The following AK5 variants were observed in gnomAD, a reference collection of about 807,000 sequenced individuals.
AK5 encodes the protein adenylate kinase 5.
A neutral mutation model predicts 69.5 loss-of-function variants in AK5; 27 were observed. The ratio of observed to expected loss-of-function variants is 0.39; its 90% CI spans 0.29 to 0.54. AK5 has a LOEUF of 0.54. AK5 is among the 20% of genes least tolerant of loss of function. AK5 has a pLI of 0.71. For missense variants in AK5, 531 were observed against 700.4 expected (o/e 0.76, Z 2.73); for synonymous variants, 260 against 244.4 (o/e 1.06, Z -0.60).
chr1:77,390,349 T>C (rs1648339750), intron 6 of AK5, among the ~76,000 whole-genome samples: 1 of 152,194 alleles, frequency 6.6e-6, no homozygotes. Context: ...GATGCAAAAG[T>C]TTTTACTAGA....
chr1:77,503,871 C>T (rs757718023), intron 10 of AK5, among the ~76,000 whole-genome samples: 4 of 151,132 alleles, frequency 2.6e-5, no homozygotes, highest in Non-Finnish European at 5.9e-5. Flanking sequence ...TGCCACTGTA[C>T]TCCAGCCTGG....
At chr1:77,550,046 G>A (rs1659745211) in intron 13 of AK5, among the ~76,000 whole-genome samples, 1 of 151,966 alleles carries the variant, frequency 6.6e-6, no homozygotes, top group South Asian at 2.1e-4. Context: ...TTTTAGCCTT[G>A]AACTCCTGGC....
chr1:77,506,214 T>TG (rs1196516357), intron 10 of AK5, among the ~76,000 whole-genome samples: 2 of 131,394 alleles, frequency 1.5e-5, no homozygotes, highest in East Asian at 2.2e-4. Flanking sequence ...AAAGGATCGG[T>TG]GTTTGGTTGG....
intron 8 of AK5, among the ~76,000 whole-genome samples, chr1:77,467,803 G>A (rs544658726): frequency 4.6e-5 from 7 of 152,264 alleles, no homozygotes; most frequent in East Asian, 1.9e-4. Context: ...GAATTCATAC[G>A]GTATATCTGA....
At chr1:77,503,286 A>G (rs1187667445) in intron 10 of AK5, among the ~76,000 whole-genome samples, 1 of 152,204 alleles carries the variant, frequency 6.6e-6, no homozygotes, top group Admixed American at 6.5e-5. Context: ...AAGATACGGG[A>G]ATGTACATTT....
intron 6 of AK5, among the ~76,000 whole-genome samples, chr1:77,387,147 C>T (rs1648092637): frequency 6.6e-6 from 1 of 152,092 alleles, no homozygotes; most frequent in African/African-American, 2.4e-5. Flanking sequence ...AGTGCTGCAC[C>T]TGAATGTTTT....
At chr1:77,320,641 C>T (rs1557493217) in intron 5 of AK5, among the ~76,000 whole-genome samples, 1 of 152,052 alleles carries the variant, frequency 6.6e-6, no homozygotes, top group Non-Finnish European at 1.5e-5. Context: ...ACCAGCTACT[C>T]AGGAAGCTGA....
chr1:77,462,007 C>T (rs1397549126), intron 8 of AK5, among the ~76,000 whole-genome samples: 1 of 152,030 alleles, frequency 6.6e-6, no homozygotes, highest in African/African-American at 2.4e-5. Context: ...TTAAAGTGTT[C>T]TAGGAACATT....
intron 10 of AK5, among the ~76,000 whole-genome samples, chr1:77,490,837 C>T (rs1264500442): frequency 1.5e-5 from 2 of 134,038 alleles, no homozygotes; most frequent in Non-Finnish European, 3.2e-5. Context: ...CCCATTTATT[C>T]TGGCGTCTTT....
intron 6 of AK5, among the ~76,000 whole-genome samples, chr1:77,394,732 A>T (rs545510887): frequency 6.2e-4 from 94 of 152,070 alleles, no homozygotes; most frequent in Non-Finnish European, 1.2e-3. Flanking sequence ...CAGGGAGAGG[A>T]CATTCTTAAA....
At chr1:77,519,851 C>T (rs1657884156) in intron 11 of AK5, among the ~76,000 whole-genome samples, 1 of 152,206 alleles carries the variant, frequency 6.6e-6, no homozygotes, top group African/African-American at 2.4e-5. Flanking sequence ...CCTGCTTTAT[C>T]AGCAAGGTCT....
chr1:77,503,393 A>T (rs559903499), intron 10 of AK5, among the ~76,000 whole-genome samples: 1 of 152,246 alleles, frequency 6.6e-6, no homozygotes, highest in African/African-American at 2.4e-5. Context: ...AATTAATTGT[A>T]AAAGAGATTC....
chr1:77,340,677 G>T (rs1173032846), intron 6 of AK5, 109 bp downstream of exon 6: 11 of 991,896 alleles, frequency 1.1e-5, no homozygotes, highest in East Asian at 7.7e-5. Flanking sequence ...GTGGCTTTTG[G>T]GGGGTACAGA....
At chr1:77,496,977 G>A (rs1377670276) in intron 10 of AK5, among the ~76,000 whole-genome samples, 1 of 152,182 alleles carries the variant, frequency 6.6e-6, no homozygotes, top group Non-Finnish European at 1.5e-5. Context: ...GGGAATAAAA[G>A]CTGGCCACCC....
At chr1:77,388,765 T>C (rs1648211322) in intron 6 of AK5, among the ~76,000 whole-genome samples, 1 of 149,430 alleles carries the variant, frequency 6.7e-6, no homozygotes, top group East Asian at 2.0e-4. Context: ...AAAAAAAAGA[T>C]TAATTACAGC....
intron 10 of AK5, among the ~76,000 whole-genome samples, chr1:77,498,064 A>G (rs887161922): frequency 5.9e-5 from 9 of 152,204 alleles, no homozygotes; most frequent in Non-Finnish European, 7.3e-5. Context: ...GAAGAGAGCT[A>G]AGACCTGAAA....
chr1:77,518,465 T>C (rs1657792418), intron 10 of AK5, 99 bp from the exon 11 acceptor site: 1 of 1,265,232 alleles, frequency 7.9e-7, no homozygotes, highest in Admixed American at 2.2e-5. Flanking sequence ...AATACATGCT[T>C]AGTGACTGGA....
intron 8 of AK5, among the ~76,000 whole-genome samples, chr1:77,438,893 G>A (rs1159298799): frequency 1.3e-5 from 2 of 152,176 alleles, no homozygotes; most frequent in East Asian, 1.9e-4. Context: ...CAGGGGGAAT[G>A]CAAGGTCCAT....
chr1:77,385,738 G>A (rs1376605737), intron 6 of AK5, among the ~76,000 whole-genome samples: 12 of 152,200 alleles, frequency 7.9e-5, no homozygotes, highest in Non-Finnish European at 1.5e-4. Context: ...CATCTTCAGA[G>A]AAATATGAGA....
Sources: allele counts gnomAD v4.1 joint callset (sites outside exome capture counted in the v4.1 genomes callset), GRCh38; gene constraint gnomAD v4.1.1; transcripts MANE v1.5; gene names NCBI Gene and HGNC (gene_info 2026-07-23, HGNC 2026-07-21).